TRPC7: variants seen among roughly 807,000 people sequenced by gnomAD.
TRPC7 encodes the protein short transient receptor potential channel 7.
In TRPC7, 42 loss-of-function variants were observed where a neutral mutation model predicts 90.1. That is an observed-to-expected ratio of 0.47 (90% confidence interval 0.36 to 0.60). TRPC7 has a LOEUF of 0.60. Among genes scored for constraint, TRPC7 ranks in the 20% least tolerant of loss-of-function variants. TRPC7 has a pLI of 0.00. For missense variants in TRPC7, 955 were observed against 1,112.3 expected (o/e 0.86, Z 2.01); for synonymous variants, 451 against 436.3 (o/e 1.03, Z -0.42).
rs189023586 is a variant in TRPC7, at chr5:136,237,031, G to T, written c.1845-5482C>A. Among the ~76,000 whole-genome samples, 4 of 152,278 alleles carry T rather than the reference G, an allele frequency of 2.6e-5. No homozygotes were observed. In the East Asian group the frequency reaches 7.7e-4, roughly 29 times the overall value. ...CACCTATCATCCAAGTTGGGCTGATGGAGGAAGATGTTTAGAATGGATAAA... is the reference window on the plus strand; with the variant it reads ...CACCTATCATCCAAGTTGGGCTGATTGAGGAAGATGTTTAGAATGGATAAA... On this transcript the variant is annotated intron_variant, in intron 7 of 11. Coordinates refer to ENST00000513104, the MANE Select transcript of TRPC7 (RefSeq NM_020389.3).
chr5:136,218,507 A>G (rs1430609780), intron 10 of TRPC7, among the ~76,000 whole-genome samples: 1 of 152,196 alleles, frequency 6.6e-6, no homozygotes, highest in Non-Finnish European at 1.5e-5. Flanking sequence ...ACAATTAAAG[A>G]GCTTTACTGT....
Position 136,365,406 on chromosome 5 carries a change from C to G in TRPC7, c.-152G>C, listed in dbSNP as rs1333907001. ...GCTGGTCAAGTGAGTTAAGTTGCAA[C>G]GATGTGAAAGCGCGCTCCTCTGTTC... On this transcript the variant is annotated 5_prime_UTR_variant, in exon 1 of 12. Coordinates refer to ENST00000513104, the MANE Select transcript of TRPC7 (RefSeq NM_020389.3). 6.4e-6 allele frequency: 5 copies of G among 785,162 alleles called. No homozygotes were observed. Among genetic ancestry groups the G allele is most frequent in the South Asian group, 6.3e-5 (4 of 63,164 alleles). The allele number at this position is 785,162 out of a possible 1,614,324, so 48.6% of individuals were successfully genotyped here.
intron 3 of TRPC7, among the ~76,000 whole-genome samples, chr5:136,295,138 TG>T (rs1480861977): frequency 3.0e-5 from 4 of 131,832 alleles, no homozygotes; most frequent in African/African-American, 8.6e-5. Context: ...GGGCCTGTTG[TG>T]GGGTGGGGGG....
At chr5:136,323,971 G>T (rs887648436) in intron 2 of TRPC7, among the ~76,000 whole-genome samples, 1 of 151,992 alleles carries the variant, frequency 6.6e-6, no homozygotes, top group East Asian at 1.9e-4. Flanking sequence ...TCTTATTTAG[G>T]TGTTCTTTGA....
At chr5:136,307,105 C>T (rs1282032253) in intron 3 of TRPC7, among the ~76,000 whole-genome samples, 1 of 152,188 alleles carries the variant, frequency 6.6e-6, no homozygotes, top group Non-Finnish European at 1.5e-5. Flanking sequence ...AATTAATTAA[C>T]ATATTTATCA....
chr5:136,358,884 C>T (rs1332533104), intron 1 of TRPC7, among the ~76,000 whole-genome samples: 1 of 152,180 alleles, frequency 6.6e-6, no homozygotes, highest in Admixed American at 6.5e-5. Flanking sequence ...TAAATTTTAT[C>T]AAGAGTGTAT....
In TRPC7 at chr5:136,315,793, G is replaced by A. The variant is rs144536780; in HGVS notation, c.781-14C>T. Reference sequence around the variant, plus strand: ...CCTGTAATCGTTCTAACAGAATAGAGAGAAATCAGCGGTATGTCACATGGA... The same window carrying A: ...CCTGTAATCGTTCTAACAGAATAGAAAGAAATCAGCGGTATGTCACATGGA... On this transcript the variant is annotated splice_polypyrimidine_tract_variant and intron_variant, in intron 2 of 11. Transcript: ENST00000513104. 1.1e-4 allele frequency: 175 copies of A among 1,610,566 alleles called. 1 individual carries two copies. In the Middle Eastern group the frequency reaches 2.3e-3, roughly 21 times the overall value.
chr5:136,345,411 A>G (rs1243306612), intron 2 of TRPC7, among the ~76,000 whole-genome samples: 7 of 152,054 alleles, frequency 4.6e-5, no homozygotes, highest in East Asian at 1.9e-4. Flanking sequence ...CAAAAATACA[A>G]AAATACGGGC....
chr5:136,292,622 TA>T (rs1374376403), intron 3 of TRPC7, among the ~76,000 whole-genome samples: 1 of 152,086 alleles, frequency 6.6e-6, no homozygotes, highest in Admixed American at 6.5e-5. Flanking sequence ...AATAGACCAA[TA>T]ACAGGCTCTG....
intron 2 of TRPC7, among the ~76,000 whole-genome samples, chr5:136,332,992 G>A (rs1034737852): frequency 3.3e-5 from 5 of 152,178 alleles, no homozygotes; most frequent in African/African-American, 4.8e-5. Context: ...ATGTGCCTAG[G>A]TGGCCACTAC....
At chr5:136,328,173 C>G (rs556852219) in intron 2 of TRPC7, among the ~76,000 whole-genome samples, 2 of 152,022 alleles carry the variant, frequency 1.3e-5, no homozygotes, top group Non-Finnish European at 2.9e-5. Context: ...GTGCAGAGAC[C>G]GACAACATTT....
rs550308682 is a variant in TRPC7, at chr5:136,294,545, A to T, written c.964-19708T>A. 1.1e-3 allele frequency among the ~76,000 whole-genome samples: 170 copies of T among 152,260 alleles called. 3 individuals carry two copies. In the East Asian group the frequency reaches 0.029, roughly 26 times the overall value. On this transcript the variant is annotated intron_variant, in intron 3 of 11. Transcript: ENST00000513104. The stretch of plus-strand genomic sequence containing the variant: ...CCAAAAAACACATGAAAAAATGCTC[A>T]TCATCCCTGGCCATCAGAAAAATGC...
Position 136,356,896 on chromosome 5 carries a change from G to A in TRPC7, c.492C>T (p.Asp164=). ...GCGCCGCCAGGATGATGGGCGTGAT[G>A]TCGTGGGAGAAGCGCGTGCCGTCCT... ...YDEDGTRFSH[D]ITPIILAAHC... is the part of the protein sequence containing the mutation. Residue 164 remains aspartate, a synonymous_variant, in exon 2 of 12, where the codon GAC becomes GAT. Transcript: ENST00000513104. 1.2e-6 allele frequency: 2 copies of A among 1,613,942 alleles called. No individual in the cohort carries two copies. Among genetic ancestry groups the A allele is most frequent in the Non-Finnish European group, 1.7e-6 (2 of 1,179,974 alleles).
intron 3 of TRPC7, among the ~76,000 whole-genome samples, chr5:136,310,207 G>C (rs1758781461): frequency 6.6e-6 from 1 of 152,120 alleles, no homozygotes. Flanking sequence ...CTTTCTATCA[G>C]AAATGCCCTC....
chr5:136,333,683 A>G (rs1298563220), intron 2 of TRPC7, among the ~76,000 whole-genome samples: 1 of 152,190 alleles, frequency 6.6e-6, no homozygotes, highest in Non-Finnish European at 1.5e-5. Context: ...GGATACAGGG[A>G]TGGAAATGGA....
At chr5:136,339,164 G>A (rs1005176559) in intron 2 of TRPC7, among the ~76,000 whole-genome samples, 1 of 152,160 alleles carries the variant, frequency 6.6e-6, no homozygotes, top group Non-Finnish European at 1.5e-5. Flanking sequence ...GTTCCATCTT[G>A]CTACTAACCT....
chr5:136,327,631 G>T (rs1216716296), intron 2 of TRPC7, among the ~76,000 whole-genome samples: 1 of 152,188 alleles, frequency 6.6e-6, no homozygotes, highest in African/African-American at 2.4e-5. Context: ...ATCACGTGCA[G>T]GTTCTGAGGG....
Position 136,251,693 on chromosome 5 carries a change from A to C in TRPC7, c.1535T>G (p.Leu512Arg), listed in dbSNP as rs541652034. The C allele has an allele frequency of 1.5e-5, 24 of 1,613,052 alleles. 1 individual carries two copies. The South Asian group carries it at 2.0e-4, about 13-fold the overall frequency. The change falls in exon 6 of 12, where the codon CTG (leucine) becomes CGG (arginine). Residue 512 changes from leucine (L) to arginine (R), a missense_variant. By Grantham distance (102) the Leu-to-Arg change is moderately radical. Coordinates refer to ENST00000513104, the MANE Select transcript of TRPC7 (RefSeq NM_020389.3). ...YVDQHVQDDT[L>R]HNVSLPPEVA... ...TTCCGGCGGAAGCGAGACATTGTGC[A>C]GCGTGTCGTCCTGCACGTGCTGGTC...
At chr5:136,325,081 G>A (rs904159574) in intron 2 of TRPC7, among the ~76,000 whole-genome samples, 1 of 152,104 alleles carries the variant, frequency 6.6e-6, no homozygotes, top group African/African-American at 2.4e-5. Context: ...TTTTAAGAAA[G>A]AGTTGCACTA....
Sources: allele counts gnomAD v4.1 joint callset (sites outside exome capture counted in the v4.1 genomes callset), GRCh38; gene constraint gnomAD v4.1.1; transcripts MANE v1.5; gene names NCBI Gene and HGNC (gene_info 2026-07-23, HGNC 2026-07-21).